Variants in COL14A1 observed in about 807,000 individuals in gnomAD.
COL14A1 encodes the protein collagen alpha-1(XIV) chain.
In COL14A1, 136 loss-of-function variants were observed where a neutral mutation model predicts 230.3. The ratio of observed to expected loss-of-function variants is 0.59; its 90% CI spans 0.51 to 0.68. The LOEUF (loss-of-function observed/expected upper bound fraction) is 0.68, where lower values mean the gene tolerates loss of function less well. COL14A1 is among the 30% of genes least tolerant of loss of function. COL14A1 has a pLI of 0.00. For synonymous variants in COL14A1, 792 were observed against 784.1 expected, an observed-to-expected ratio of 1.01 and a Z score of -0.17; for missense variants, 1,976 against 2,215.8, an observed-to-expected ratio of 0.89 and a Z score of 2.17.
intron 4 of COL14A1, among the ~76,000 whole-genome samples, chr8:120,165,417 T>C (rs1421083124): frequency 6.6e-6 from 1 of 152,240 alleles, no homozygotes; most frequent in African/African-American, 2.4e-5. Context: ...TCTGATCTAA[T>C]AGGTATTATG....
chr8:120,264,434 A>G (rs895658448), intron 24 of COL14A1, among the ~76,000 whole-genome samples: 6 of 152,180 alleles, frequency 3.9e-5, no homozygotes, highest in African/African-American at 1.2e-4. Flanking sequence ...TTCTAGCATT[A>G]TGGCTTTAGG....
chr8:120,161,123 G>C (rs1231447672), intron 3 of COL14A1, among the ~76,000 whole-genome samples: 1 of 152,104 alleles, frequency 6.6e-6, no homozygotes, highest in Non-Finnish European at 1.5e-5. Flanking sequence ...TAAGGAAATG[G>C]GTTTTGGCAA....
chr8:120,298,984 G>A (rs1047769864), intron 35 of COL14A1, among the ~76,000 whole-genome samples: 1 of 151,278 alleles, frequency 6.6e-6, no homozygotes, highest in Admixed American at 6.6e-5. Context: ...CAGAGCGAAG[G>A]TGGGGGAAAA....
chr8:120,367,642 G>C (rs7834968), intron 46 of COL14A1, among the ~76,000 whole-genome samples: 33 of 152,088 alleles, frequency 2.2e-4, no homozygotes, highest in African/African-American at 7.5e-4. Flanking sequence ...GAAAGAAAAA[G>C]AAGGCACATC....
chr8:120,172,716 A>G (rs1425824136), intron 5 of COL14A1, among the ~76,000 whole-genome samples: 1 of 152,164 alleles, frequency 6.6e-6, no homozygotes, highest in African/African-American at 2.4e-5. Context: ...CCAATGTACA[A>G]CTTTCCTTGT....
intron 20 of COL14A1, among the ~76,000 whole-genome samples, chr8:120,244,974 C>T (rs868714913): frequency 6.6e-6 from 1 of 152,174 alleles, no homozygotes; most frequent in Non-Finnish European, 1.5e-5. Flanking sequence ...TTGATCTCCC[C>T]TCCTGGCCAT....
chr8:120,148,391 G>C (rs1024212175), intron 2 of COL14A1, among the ~76,000 whole-genome samples: 1 of 151,918 alleles, frequency 6.6e-6, no homozygotes, highest in African/African-American at 2.4e-5. Context: ...TCGGCCTCCC[G>C]AAGTGCTGGG....
chr8:120,305,070 C>A (rs1820818648), intron 36 of COL14A1, among the ~76,000 whole-genome samples: 1 of 152,026 alleles, frequency 6.6e-6, no homozygotes, highest in Non-Finnish European at 1.5e-5. Flanking sequence ...CCTCTGCCTC[C>A]CAGGTTCAAG....
At chr8:120,287,954 A>C (rs1586833905) in intron 33 of COL14A1, among the ~76,000 whole-genome samples, 1 of 152,068 alleles carries the variant, frequency 6.6e-6, no homozygotes, top group Non-Finnish European at 1.5e-5. Flanking sequence ...TAATTATATA[A>C]ATGGGCACTT....
At position 120,142,017 on chromosome 8, in the gene COL14A1, G is replaced by A. The variant is rs73704240; in HGVS notation, c.-37-5789G>A. Among the ~76,000 whole-genome samples the A allele has an allele frequency of 2.7e-3, 415 of 152,252 alleles. 3 individuals carry two copies. Among genetic ancestry groups the A allele is most frequent in the African/African-American group, 9.7e-3 (403 of 41,546 alleles). ...CAAAATTCTAGGATTACAGGTGTGAGCTACCACACTTGGCCAGGGATGTCT... is the reference window on the plus strand; with the variant it reads ...CAAAATTCTAGGATTACAGGTGTGAACTACCACACTTGGCCAGGGATGTCT... On this transcript the variant is annotated intron_variant, in intron 1 of 47. Transcript: ENST00000297848.
intron 37 of COL14A1, among the ~76,000 whole-genome samples, chr8:120,312,496 G>A (rs778324803): frequency 6.6e-5 from 10 of 152,024 alleles, no homozygotes; most frequent in Non-Finnish European, 1.2e-4. Flanking sequence ...ATACCACTCC[G>A]TCTTCAGCCT....
At chr8:120,300,448 G>GA (rs2130024334) in intron 35 of COL14A1, among the ~76,000 whole-genome samples, 1 of 151,980 alleles carries the variant, frequency 6.6e-6, no homozygotes, top group South Asian at 2.1e-4. Flanking sequence ...TAGTAATCAA[G>GA]ATTTTTTTTT....
intron 13 of COL14A1, among the ~76,000 whole-genome samples, chr8:120,215,019 G>T (rs910603599): frequency 6.6e-6 from 1 of 152,214 alleles, no homozygotes; most frequent in Admixed American, 6.5e-5. Context: ...GAAAAGGCAC[G>T]GAGTAGTAGC....
intron 47 of COL14A1, among the ~76,000 whole-genome samples, chr8:120,370,033 C>A (rs2130403467): frequency 6.6e-6 from 1 of 152,230 alleles, no homozygotes; most frequent in South Asian, 2.1e-4. Flanking sequence ...ATCATGCTGT[C>A]CTTGTCTTAT....
chr8:120,279,978 G>T lies in COL14A1; in HGVS notation c.3525G>T (p.Ser1175=). ...TTGGTGTGGCCGATGCAGATTACTC[G>T]GAGTTGGTTAGCATTGGCAGTAAGC... ...FAIGVADADY[S]ELVSIGSKPS... The change falls in exon 29 of 48, where the codon TCG becomes TCT. Residue 1175 remains serine, a synonymous_variant. Transcript: ENST00000297848. 6.2e-7 allele frequency: 1 copy of T among 1,613,726 alleles called. No homozygotes were observed. The highest frequency in any genetic ancestry group is 8.5e-7 in the Non-Finnish European group (1 of 1,179,812).
chr8:120,326,098 GAGA>G (rs1563738997), intron 40 of COL14A1, among the ~76,000 whole-genome samples: 1 of 152,206 alleles, frequency 6.6e-6, no homozygotes, highest in Non-Finnish European at 1.5e-5. Context: ...ATGAAGATGT[GAGA>G]AGAAGGGCCT....
chr8:120,293,218 T>C (rs559036958), intron 34 of COL14A1, among the ~76,000 whole-genome samples: 117 of 152,150 alleles, frequency 7.7e-4, no homozygotes, highest in African/African-American at 2.6e-3. Context: ...AGCTCCCTGC[T>C]GTTCAAATAA....
intron 5 of COL14A1, among the ~76,000 whole-genome samples, chr8:120,188,308 C>G (rs371333541): frequency 6.6e-6 from 1 of 152,254 alleles, no homozygotes; most frequent in African/African-American, 2.4e-5. Context: ...TCTTGAACTC[C>G]TGACCTCAGG....
chr8:120,318,854 A>C (rs531891697), intron 40 of COL14A1, among the ~76,000 whole-genome samples: 1 of 152,252 alleles, frequency 6.6e-6, no homozygotes, highest in South Asian at 2.1e-4. Context: ...AAAACTCCCC[A>C]GTCAGGCTCC....
Sources: gnomAD v4.1 joint callset for allele counts (sites outside exome capture counted in the v4.1 genomes callset) on GRCh38, gnomAD v4.1.1 for gene constraint, MANE v1.5 for transcripts, NCBI Gene and HGNC (gene_info 2026-07-23, HGNC 2026-07-21) for gene names.